Variants in HS6ST3 observed in about 807,000 individuals in gnomAD.
HS6ST3 encodes heparan-sulfate 6-O-sulfotransferase 3.
HS6ST3 carries 12 observed loss-of-function variants against 36.7 expected under a neutral mutation model. That is an observed-to-expected ratio of 0.33 (90% CI 0.21 to 0.53). The LOEUF is 0.53. HS6ST3 is among the 20% of genes least tolerant of loss of function. HS6ST3 has a pLI of 0.95. For synonymous variants in HS6ST3, 240 were observed against 257.5 expected, an observed-to-expected ratio of 0.93 and a Z score of 0.65; for missense variants, 584 against 640.9, an observed-to-expected ratio of 0.91 and a Z score of 0.96.
chr13:96,460,902 T>A (rs1023064084), intron 1 of HS6ST3, among the ~76,000 whole-genome samples: 14 of 152,296 alleles, frequency 9.2e-5, no homozygotes, highest in African/African-American at 3.4e-4. Flanking sequence ...GAGCTGGACA[T>A]CTATTGCCAA....
At position 96,274,199 on chromosome 13, in the gene HS6ST3, CT is replaced by C. The variant is rs773254850; in HGVS notation, c.707+182631del. Among the ~76,000 whole-genome samples, 3 of 151,860 alleles carry C rather than the reference CT, an allele frequency of 2.0e-5. No individual in the cohort carries two copies. The South Asian group carries it at 6.2e-4, about 32-fold the overall frequency. ...TATAAAATATGGCCACTAGCAGCTC[CT>C]GAATTCCAAAGTTCTGACTGTTTCC... On this transcript the variant is annotated intron_variant, in intron 1 of 1. Transcript: ENST00000376705.
intron 1 of HS6ST3, among the ~76,000 whole-genome samples, chr13:96,738,784 A>G (rs539278215): frequency 1.3e-5 from 2 of 152,288 alleles, no homozygotes; most frequent in East Asian, 3.9e-4. Flanking sequence ...CAGCCTTCAA[A>G]CTAGCTTTTT....
At chr13:96,706,017 A>G (rs987973514) in intron 1 of HS6ST3, among the ~76,000 whole-genome samples, 1 of 152,214 alleles carries the variant, frequency 6.6e-6, no homozygotes, top group Non-Finnish European at 1.5e-5. Flanking sequence ...GTCTAGGCTT[A>G]TCTGAGAATC....
chr13:96,354,284 A>G (rs1411053525), intron 1 of HS6ST3, among the ~76,000 whole-genome samples: 1 of 152,188 alleles, frequency 6.6e-6, no homozygotes, highest in Admixed American at 6.5e-5. Flanking sequence ...TGCTATAAAA[A>G]TCATATTTGT....
intron 1 of HS6ST3, among the ~76,000 whole-genome samples, chr13:96,792,071 A>G (rs1566454859): frequency 6.6e-6 from 1 of 152,086 alleles, no homozygotes; most frequent in Non-Finnish European, 1.5e-5. Context: ...ATACACACAT[A>G]TTACTCTAGG....
chr13:96,114,437 A>T (rs2053884440), intron 1 of HS6ST3, among the ~76,000 whole-genome samples: 1 of 152,166 alleles, frequency 6.6e-6, no homozygotes, highest in Non-Finnish European at 1.5e-5. Context: ...GGGATGACCC[A>T]CCGTTCCTGG....
intron 1 of HS6ST3, among the ~76,000 whole-genome samples, chr13:96,195,670 A>G (rs374998407): frequency 1.2e-4 from 19 of 152,218 alleles, no homozygotes; most frequent in African/African-American, 4.1e-4. Flanking sequence ...GACACCATGC[A>G]CTCAGTAGCA....
chr13:96,612,093 C>A (rs59435478), intron 1 of HS6ST3, among the ~76,000 whole-genome samples: 4,430 of 152,118 alleles, frequency 0.029, 217 homozygotes, highest in African/African-American at 0.1. Flanking sequence ...GGGATGTACA[C>A]CTGCTAGGGG....
At chr13:96,535,353 G>A (rs981084781) in intron 1 of HS6ST3, among the ~76,000 whole-genome samples, 3 of 151,820 alleles carry the variant, frequency 2.0e-5, no homozygotes, top group African/African-American at 2.4e-5. Flanking sequence ...TCAGGAGATC[G>A]AGACCATCCT....
At chr13:96,350,531 A>G (rs930366085) in intron 1 of HS6ST3, among the ~76,000 whole-genome samples, 6 of 152,264 alleles carry the variant, frequency 3.9e-5, no homozygotes, top group African/African-American at 1.2e-4. Context: ...ATTAGAATCT[A>G]TAAAATGTGG....
intron 1 of HS6ST3, among the ~76,000 whole-genome samples, chr13:96,380,847 A>G (rs1209714858): frequency 6.6e-6 from 1 of 152,210 alleles, no homozygotes; most frequent in East Asian, 1.9e-4. Flanking sequence ...TCGATGTAAA[A>G]AGAAATGCGT....
chr13:96,589,335 T>A (rs1288782889), intron 1 of HS6ST3, among the ~76,000 whole-genome samples: 1 of 152,114 alleles, frequency 6.6e-6, no homozygotes, highest in Non-Finnish European at 1.5e-5. Context: ...TTATGTATAA[T>A]TGTTCATAAA....
At chr13:96,130,002 A>G (rs2053968546) in intron 1 of HS6ST3, among the ~76,000 whole-genome samples, 1 of 152,198 alleles carries the variant, frequency 6.6e-6, no homozygotes, top group South Asian at 2.1e-4. Flanking sequence ...TTAGCAAACT[A>G]GTGTAGTGTG....
intron 1 of HS6ST3, among the ~76,000 whole-genome samples, chr13:96,281,547 T>A (rs2054776173): frequency 6.6e-6 from 1 of 152,138 alleles, no homozygotes; most frequent in African/African-American, 2.4e-5. Flanking sequence ...TATTGTGGGA[T>A]TTTTGTCCTA....
At chr13:96,680,722 A>G (rs2056715603) in intron 1 of HS6ST3, among the ~76,000 whole-genome samples, 1 of 152,212 alleles carries the variant, frequency 6.6e-6, no homozygotes, top group South Asian at 2.1e-4. Context: ...TCTTGACATA[A>G]GCATCTTCCC....
chr13:96,244,900 A>G (rs1343934962), intron 1 of HS6ST3, among the ~76,000 whole-genome samples: 1 of 152,206 alleles, frequency 6.6e-6, no homozygotes, highest in Non-Finnish European at 1.5e-5. Flanking sequence ...TAAGATAGGT[A>G]TAGCTGTTTG....
chr13:96,372,334 T>G (rs2055293965), intron 1 of HS6ST3, among the ~76,000 whole-genome samples: 1 of 152,182 alleles, frequency 6.6e-6, no homozygotes, highest in Non-Finnish European at 1.5e-5. Context: ...CTTTTTTTGT[T>G]TTCTTGCTAT....
chr13:96,486,585 A>G (rs369356725), intron 1 of HS6ST3, among the ~76,000 whole-genome samples: 4 of 152,200 alleles, frequency 2.6e-5, no homozygotes, highest in Middle Eastern at 3.4e-3. Flanking sequence ...GAATCTCATT[A>G]TGGTTTTGAT....
chr13:96,210,080 TG>T (rs1268105364), intron 1 of HS6ST3, among the ~76,000 whole-genome samples: 2 of 152,206 alleles, frequency 1.3e-5, no homozygotes, highest in Non-Finnish European at 2.9e-5. Context: ...AATGGTCCTA[TG>T]GAATACTGCC....
Sources: allele counts gnomAD v4.1 joint callset (sites outside exome capture counted in the v4.1 genomes callset), GRCh38; gene constraint gnomAD v4.1.1; transcripts MANE v1.5; gene names NCBI Gene and HGNC (gene_info 2026-07-23, HGNC 2026-07-21).